ATP2B2: variants seen among roughly 807,000 people sequenced by gnomAD.
ATP2B2 encodes the protein ATPase plasma membrane Ca2+ transporting 2.
ATP2B2 carries 15 observed loss-of-function variants against 120.0 expected under a neutral mutation model. That is an observed-to-expected ratio of 0.12 (90% CI 0.08 to 0.19). ATP2B2 has a LOEUF of 0.19. Among genes scored for constraint, ATP2B2 ranks in the 10% least tolerant of loss-of-function variants. ATP2B2 has a pLI of 1.00. For missense variants in ATP2B2, 1,045 were observed against 1,719.8 expected, an observed-to-expected ratio of 0.61 and a Z score of 6.94; for synonymous variants, 694 against 700.3, an observed-to-expected ratio of 0.99 and a Z score of 0.14.
chr3:10,367,625 T>A (rs1479797142), intron 12 of ATP2B2, among the ~76,000 whole-genome samples: 1 of 152,122 alleles, frequency 6.6e-6, no homozygotes, highest in African/African-American at 2.4e-5. Context: ...ACAAACAGCC[T>A]CATGGCAGAG....
intron 1 of ATP2B2, among the ~76,000 whole-genome samples, chr3:10,475,267 G>A (rs2065160655): frequency 6.6e-6 from 1 of 152,246 alleles, no homozygotes; most frequent in South Asian, 2.1e-4. Context: ...AGACTTTATT[G>A]TGTAGGAAAT....
At chr3:10,666,920 C>T (rs766261500) in intron 1 of ATP2B2, among the ~76,000 whole-genome samples, 14 of 152,234 alleles carry the variant, frequency 9.2e-5, no homozygotes, top group Admixed American at 3.3e-4. Flanking sequence ...AATTCCACCA[C>T]CTGATGTTTT....
intron 2 of ATP2B2, among the ~76,000 whole-genome samples, chr3:10,585,671 C>T (rs952897750): frequency 6.6e-6 from 1 of 151,928 alleles, no homozygotes; most frequent in South Asian, 2.1e-4. Flanking sequence ...GGCCTCTGCA[C>T]TCACCATTCC....
At chr3:10,423,730 C>T (rs1230067231) in intron 2 of ATP2B2, among the ~76,000 whole-genome samples, 1 of 152,190 alleles carries the variant, frequency 6.6e-6, no homozygotes, top group African/African-American at 2.4e-5. Context: ...TCCCAGGACG[C>T]CTTTCAGAGG....
chr3:10,344,437 C>A (rs911611753), intron 18 of ATP2B2, among the ~76,000 whole-genome samples: 1 of 152,222 alleles, frequency 6.6e-6, no homozygotes, highest in Non-Finnish European at 1.5e-5. Context: ...GCCGGAGCTG[C>A]CACCTATATT....
At chr3:10,609,421 C>T (rs1026161239) in intron 2 of ATP2B2, among the ~76,000 whole-genome samples, 1 of 152,232 alleles carries the variant, frequency 6.6e-6, no homozygotes, top group African/African-American at 2.4e-5. Flanking sequence ...ATCAGCCCTG[C>T]TACTCCAAGC....
rs2059895994 is a variant in ATP2B2 at position 10,328,296 on chromosome 3, TA to T, written c.*517del. The T allele has an allele frequency of 6.5e-6, 1 of 154,204 alleles. No homozygotes were observed. The highest frequency in any genetic ancestry group is 2.4e-5 in the African/African-American group (1 of 41,414). The allele number at this position is 154,204 out of a possible 1,614,324, so 9.6% of individuals were successfully genotyped here. A position where few individuals can be genotyped will look rare whatever the true frequency, so the allele number is the denominator to read the frequency against. ...AAGCTCTGCAATTTCAAAAAGTTATTAAATTAATCTATACAACTGAGACCAT... is the reference window on the plus strand; with the variant it reads ...AAGCTCTGCAATTTCAAAAAGTTATTAATTAATCTATACAACTGAGACCAT... On this transcript the variant is annotated 3_prime_UTR_variant, in exon 23 of 23. Transcript: ENST00000360273.
intron 1 of ATP2B2, among the ~76,000 whole-genome samples, chr3:10,466,971 C>A (rs1235632708): frequency 2.0e-5 from 3 of 152,302 alleles, no homozygotes; most frequent in Non-Finnish European, 4.4e-5. Context: ...ATTGGGCAAG[C>A]CTGGTAATGA....
At chr3:10,664,197 T>G (rs1162196251) in intron 1 of ATP2B2, among the ~76,000 whole-genome samples, 2 of 152,028 alleles carry the variant, frequency 1.3e-5, no homozygotes, top group African/African-American at 4.8e-5. Flanking sequence ...CCTGCTCCCT[T>G]TTCCTTTTAT....
At chr3:10,457,840 C>T (rs547860675) in intron 1 of ATP2B2, among the ~76,000 whole-genome samples, 4 of 152,252 alleles carry the variant, frequency 2.6e-5, no homozygotes, top group South Asian at 2.1e-4. Context: ...CGCCTTGCAT[C>T]AGCCTTGAAG....
intron 1 of ATP2B2, among the ~76,000 whole-genome samples, chr3:10,486,330 T>TGTGC (rs2065661173): frequency 2.0e-5 from 3 of 149,020 alleles, no homozygotes; most frequent in African/African-American, 5.0e-5. Flanking sequence ...CGTGCGTGTG[T>TGTGC]GTGTGTGTGT....
At chr3:10,682,380 A>T (rs2071404137) in intron 1 of ATP2B2, among the ~76,000 whole-genome samples, 1 of 152,214 alleles carries the variant, frequency 6.6e-6, no homozygotes, top group South Asian at 2.1e-4. Context: ...ATTGGCTGAG[A>T]CTATGGGCTT....
intron 1 of ATP2B2, among the ~76,000 whole-genome samples, chr3:10,673,214 T>G (rs1305381043): frequency 6.6e-6 from 1 of 152,094 alleles, no homozygotes; most frequent in African/African-American, 2.4e-5. Flanking sequence ...CTGAATAGAC[T>G]CAGTTTACCA....
chr3:10,476,133 A>G (rs932207263), intron 1 of ATP2B2, among the ~76,000 whole-genome samples: 1 of 146,530 alleles, frequency 6.8e-6, no homozygotes, highest in Non-Finnish European at 1.5e-5. Flanking sequence ...TCGCATAATC[A>G]TATCACCCCC....
At chr3:10,423,409 C>T (rs1047794260) in intron 2 of ATP2B2, among the ~76,000 whole-genome samples, 1 of 152,302 alleles carries the variant, frequency 6.6e-6, no homozygotes. Context: ...ACCCCTGGCC[C>T]AGGCCCTCTC....
At chr3:10,599,148 C>G (rs910556076) in intron 2 of ATP2B2, among the ~76,000 whole-genome samples, 1 of 152,252 alleles carries the variant, frequency 6.6e-6, no homozygotes, top group South Asian at 2.1e-4. Flanking sequence ...AGAGGAGACT[C>G]AAACATGTAG....
rs190576541 is a variant in ATP2B2, at chr3:10,499,745, C to T, written c.-320+5720G>A. ...GCCTCTCTCTGGTGCCCAGGAGCCC[C>T]TGCAGACCTGGGGTCTTCATAGGGC... On this transcript the variant is annotated intron_variant, in intron 1 of 22. Transcript: ENST00000360273. Among the ~76,000 whole-genome samples, 10 of 152,210 alleles carry T rather than the reference C, an allele frequency of 6.6e-5. No homozygotes were observed. In the East Asian group the frequency reaches 1.9e-3, roughly 29 times the overall value.
upstream of ATP2B2, chr3:10,505,796 G>A (rs1215201390): frequency 7.0e-6 from 1 of 141,990 alleles, no homozygotes; most frequent in African/African-American, 2.6e-5. Flanking sequence ...AGAGTGGGGG[G>A]CGGGGGGGGT....
chr3:10,606,550 G>C (rs1454981693), intron 2 of ATP2B2, among the ~76,000 whole-genome samples: 1 of 152,118 alleles, frequency 6.6e-6, no homozygotes, highest in African/African-American at 2.4e-5. Flanking sequence ...TTGGGTTGGA[G>C]GTCCAGTTCC....
Sources: gnomAD v4.1 joint callset for allele counts (sites outside exome capture counted in the v4.1 genomes callset) on GRCh38, gnomAD v4.1.1 for gene constraint, MANE v1.5 for transcripts, NCBI Gene and HGNC (gene_info 2026-07-23, HGNC 2026-07-21) for gene names.